The following UBE2E2 variants were observed in gnomAD, a reference collection of about 807,000 sequenced individuals.
The protein encoded by UBE2E2 is ubiquitin-conjugating enzyme E2 E2.
Under a neutral mutation model 24.7 loss-of-function variants are expected in UBE2E2, and 6 were observed. The observed-to-expected ratio is 0.24, with a 90% CI of 0.13 to 0.48. UBE2E2 has a LOEUF of 0.48. UBE2E2 is among the 20% of genes least tolerant of loss of function. The probability of loss-of-function intolerance (pLI) is 0.99; values close to 1 mark genes in which losing one functional copy is unlikely to be tolerated. For synonymous variants in UBE2E2, 104 were observed against 83.6 expected, an observed-to-expected ratio of 1.24 and a Z score of -1.33; for missense variants, 169 against 245.0, an observed-to-expected ratio of 0.69 and a Z score of 2.07.
chr3:23,438,785 T>C (rs1698236290), intron 3 of UBE2E2, among the ~76,000 whole-genome samples: 1 of 152,214 alleles, frequency 6.6e-6, no homozygotes, highest in South Asian at 2.1e-4. Context: ...AGTTCATAAA[T>C]TAAAATATTT....
chr3:23,441,120 G>A (rs1698293445), intron 3 of UBE2E2, among the ~76,000 whole-genome samples: 2 of 152,082 alleles, frequency 1.3e-5, no homozygotes, highest in Non-Finnish European at 2.9e-5. Flanking sequence ...CATTTGACCT[G>A]GTGTTGTGTC....
chr3:23,359,406 G>A (rs1696052549), intron 3 of UBE2E2, among the ~76,000 whole-genome samples: 1 of 152,142 alleles, frequency 6.6e-6, no homozygotes, highest in Non-Finnish European at 1.5e-5. Flanking sequence ...GATATGAATG[G>A]GCTAGTGTTA....
intron 5 of UBE2E2, among the ~76,000 whole-genome samples, chr3:23,542,064 T>G (rs1177007487): frequency 1.3e-5 from 2 of 152,202 alleles, no homozygotes; most frequent in African/African-American, 4.8e-5. Context: ...TATATTTTTA[T>G]AAGAAAAACT....
At chr3:23,502,404 C>T (rs1699744543) in intron 4 of UBE2E2, among the ~76,000 whole-genome samples, 1 of 152,022 alleles carries the variant, frequency 6.6e-6, no homozygotes, top group Non-Finnish European at 1.5e-5. Context: ...GATATACATA[C>T]CATAAAATTA....
At chr3:23,409,465 G>A (rs1390690094) in intron 3 of UBE2E2, among the ~76,000 whole-genome samples, 1 of 152,134 alleles carries the variant, frequency 6.6e-6, no homozygotes, top group East Asian at 1.9e-4. Flanking sequence ...TGCTCTTACT[G>A]AGTAGGAGAA....
intron 3 of UBE2E2, among the ~76,000 whole-genome samples, chr3:23,485,187 A>AGG (rs1170025843): frequency 1.4e-5 from 2 of 143,724 alleles, no homozygotes; most frequent in Non-Finnish European, 3.0e-5. Context: ...CTCCACCTCC[A>AGG]GGGTTCAAAC....
At chr3:23,252,589 T>C (rs1697604691) in intron 3 of UBE2E2, among the ~76,000 whole-genome samples, 1 of 152,154 alleles carries the variant, frequency 6.6e-6, no homozygotes, top group Non-Finnish European at 1.5e-5. Flanking sequence ...CTCTGCCTCC[T>C]CGGTTCAAGC....
chr3:23,468,847 A>G (rs1312740775), intron 3 of UBE2E2, among the ~76,000 whole-genome samples: 1 of 152,166 alleles, frequency 6.6e-6, no homozygotes, highest in African/African-American at 2.4e-5. Flanking sequence ...CCATCTCACA[A>G]GGCTGTTAGG....
At chr3:23,494,399 T>C (rs1699562904) in intron 3 of UBE2E2, among the ~76,000 whole-genome samples, 1 of 152,242 alleles carries the variant, frequency 6.6e-6, no homozygotes, top group Non-Finnish European at 1.5e-5. Context: ...AAATAGTAAT[T>C]ATTAAAATTA....
intron 3 of UBE2E2, among the ~76,000 whole-genome samples, chr3:23,349,404 T>C (rs1253460153): frequency 6.6e-6 from 1 of 152,182 alleles, no homozygotes; most frequent in Non-Finnish European, 1.5e-5. Context: ...TGCAGCACAC[T>C]GTGCGCGACC....
At chr3:23,238,803 G>T (rs1269057581) in intron 3 of UBE2E2, among the ~76,000 whole-genome samples, 1 of 152,130 alleles carries the variant, frequency 6.6e-6, no homozygotes, top group Non-Finnish European at 1.5e-5. Context: ...TGTGTATTGT[G>T]TGCCTGCGAT....
At chr3:23,516,032 T>C (rs936443953) in intron 4 of UBE2E2, among the ~76,000 whole-genome samples, 5 of 152,112 alleles carry the variant, frequency 3.3e-5, no homozygotes, top group African/African-American at 1.2e-4. Context: ...GAACATTTCT[T>C]ACATCATTCC....
intron 3 of UBE2E2, among the ~76,000 whole-genome samples, chr3:23,332,731 A>G (rs1042846958): frequency 2.0e-5 from 3 of 149,844 alleles, no homozygotes; most frequent in Non-Finnish European, 4.4e-5. Context: ...AGCTATGGAT[A>G]TCTCTCTAGG....
chr3:23,578,009 GAA>G (rs58612058), intron 5 of UBE2E2, among the ~76,000 whole-genome samples: 3 of 103,240 alleles, frequency 2.9e-5, no homozygotes, highest in Non-Finnish European at 2.1e-5. Flanking sequence ...CTACCTCTCA[GAA>G]AAAAAAAAAA....
chr3:23,230,337 T>G (rs1043549796), intron 3 of UBE2E2, among the ~76,000 whole-genome samples: 4 of 152,238 alleles, frequency 2.6e-5, no homozygotes, highest in Non-Finnish European at 5.9e-5. Flanking sequence ...ATGTGGAGTT[T>G]AAAAGCAAAA....
At chr3:23,297,427 G>C (rs1214949737) in intron 3 of UBE2E2, among the ~76,000 whole-genome samples, 2 of 152,156 alleles carry the variant, frequency 1.3e-5, no homozygotes. Context: ...TTCCTCTAGG[G>C]TTTTTATGGT....
chr3:23,326,355 G>A (rs1303806038), intron 3 of UBE2E2, among the ~76,000 whole-genome samples: 1 of 152,204 alleles, frequency 6.6e-6, no homozygotes, highest in Non-Finnish European at 1.5e-5. Context: ...ATAGGCTTGA[G>A]CCACCGTGCC....
At chr3:23,215,413 AG>A (rs941112272) in intron 2 of UBE2E2, among the ~76,000 whole-genome samples, 1 of 152,178 alleles carries the variant, frequency 6.6e-6, no homozygotes. Context: ...AATGAGTCAT[AG>A]CATTGAGGCA....
chr3:23,570,008 C>G (rs1040108236), intron 5 of UBE2E2, among the ~76,000 whole-genome samples: 2 of 152,124 alleles, frequency 1.3e-5, no homozygotes, highest in Non-Finnish European at 2.9e-5. Flanking sequence ...TCTAGCAGAT[C>G]TTTTAGCACT....
Sources: allele counts gnomAD v4.1 joint callset (sites outside exome capture counted in the v4.1 genomes callset), GRCh38; gene constraint gnomAD v4.1.1; transcripts MANE v1.5; gene names NCBI Gene and HGNC (gene_info 2026-07-23, HGNC 2026-07-21).